Variants in PRKDC observed in about 807,000 individuals in gnomAD.
PRKDC encodes protein kinase, DNA-activated, catalytic subunit.
In PRKDC, 82 loss-of-function variants were observed where a neutral mutation model predicts 486.9. The ratio of observed to expected loss-of-function variants is 0.17; its 90% CI spans 0.14 to 0.20. The LOEUF is 0.20. Ranked by LOEUF, PRKDC falls within the 10% of genes least tolerant of loss-of-function variation. The pLI, the probability that PRKDC is intolerant of heterozygous loss-of-function variation, is 1.00. For missense variants in PRKDC, 4,504 were observed against 5,038.2 expected, an observed-to-expected ratio of 0.89 and a Z score of 3.21; for synonymous variants, 1,895 against 1,837.0, an observed-to-expected ratio of 1.03 and a Z score of -0.81.
rs1262406508 is a variant in PRKDC, at chr8:47,859,745, T to A, written c.6073A>T (p.Met2025Leu). Residue 2025 changes from methionine (M) to leucine (L), a missense_variant, in exon 46 of 86, where the codon ATG becomes TTG. By Grantham distance (15) the Met-to-Leu change is conservative. Transcript: ENST00000314191. ...ANGDSDGPSYMSSLSYLADST... is the reference protein window; with the variant it reads ...ANGDSDGPSYLSSLSYLADST... ...TCTGCCAAATATGACAGGGAAGACA[T>A]ATAGGAAGGACCATCTGAAATATAA... 1.2e-6 allele frequency: 2 copies of A among 1,611,752 alleles called. No individual in the cohort carries two copies. The highest frequency in any genetic ancestry group is 1.7e-6 in the Non-Finnish European group (2 of 1,178,012).
chr8:47,908,046 G>A (rs2089823771), intron 25 of PRKDC, among the ~76,000 whole-genome samples: 1 of 152,208 alleles, frequency 6.6e-6, no homozygotes, highest in African/African-American at 2.4e-5. Flanking sequence ...TGAGCACACT[G>A]TTTAAGCAGC....
intron 25 of PRKDC, among the ~76,000 whole-genome samples, chr8:47,911,304 G>A (rs1427033680): frequency 6.6e-6 from 1 of 152,234 alleles, no homozygotes; most frequent in Non-Finnish European, 1.5e-5. Context: ...CTCCCATGCT[G>A]GGTGGAAGCA....
In PRKDC at chr8:47,823,871, T is replaced by C; in HGVS notation, c.8909A>G (p.Lys2970Arg). Residue 2970 changes from lysine (K) to arginine (R), a missense_variant, in exon 64 of 86, where the codon AAG (lysine) becomes AGG (arginine). By Grantham distance (26) the Lys-to-Arg change is conservative. Around this residue, in one of 6 missense-constraint regions of PRKDC, gnomAD observed 1,592 missense variants for 1,724.6 expected, o/e 0.92. Transcript: ENST00000314191. Reference sequence around the variant, plus strand: ...GATCAATTTTACCTCATCATACTGCTTAGCAGCTTCAGAATAATCACTTCT... The same window carrying C: ...GATCAATTTTACCTCATCATACTGCCTAGCAGCTTCAGAATAATCACTTCT... ...EARSDYSEAAKQYDEALNKQD... is the reference protein window; with the variant it reads ...EARSDYSEAARQYDEALNKQD... 6.2e-7 allele frequency: 1 copy of C among 1,613,826 alleles called. No homozygotes were observed. Among genetic ancestry groups the C allele is most frequent in the Non-Finnish European group, 8.5e-7 (1 of 1,179,824 alleles).
At chr8:47,953,990 T>C in intron 5 of PRKDC, 71 bp from the exon 6 acceptor site, 3 of 802,040 alleles carry the variant, frequency 3.7e-6, no homozygotes, top group Non-Finnish European at 5.7e-6. Flanking sequence ...CCAAAATGTA[T>C]GAAGAAAATA....
intron 36 of PRKDC, among the ~76,000 whole-genome samples, chr8:47,883,456 A>T (rs1484441436): frequency 6.6e-6 from 1 of 152,062 alleles, no homozygotes; most frequent in African/African-American, 2.4e-5. Context: ...TGGAAACTCA[A>T]AGCCTTTGCT....
rs2088508881 is a variant in PRKDC at position 47,855,277 on chromosome 8, C to G, written c.6706G>C (p.Glu2236Gln). Residue 2236 changes from glutamate to glutamine, a missense_variant, in exon 50 of 86, where the codon GAA becomes CAA. Glu to Gln is a conservative substitution (Grantham distance 29). Transcript: ENST00000314191. ...CACTCGACAAGGGTCTTTATAATTTCAAGGTTGTGTCTAAACACAGCTCTT... is the reference window on the plus strand; with the variant it reads ...CACTCGACAAGGGTCTTTATAATTTGAAGGTTGTGTCTAAACACAGCTCTT... Reference protein sequence around the residue: ...PKRAVFRHNLEIIKTLVECWK... With the variant: ...PKRAVFRHNLQIIKTLVECWK... 4 of 1,603,894 alleles carry G rather than the reference C, an allele frequency of 2.5e-6. No individual in the cohort carries two copies. Among genetic ancestry groups the G allele is most frequent in the Non-Finnish European group, 3.4e-6 (4 of 1,174,582 alleles).
chr8:47,930,920 A>G, intron 16 of PRKDC, 133 bp from the exon 17 acceptor site: 1 of 808,546 alleles, frequency 1.2e-6, no homozygotes, highest in Non-Finnish European at 1.9e-6. Flanking sequence ...AAAGACCAAG[A>G]TGGGTGCTCA....
In PRKDC at chr8:47,836,930, T is replaced by C. The variant is rs572761598; in HGVS notation, c.7761+282A>G. On this transcript the variant is annotated intron_variant, in intron 57 of 85. Transcript: ENST00000314191. ...GCAACCTGCCCATCATCCCACTGTT[T>C]AGGCTGCTGCGAGACAGGACAAGCT... Among the ~76,000 whole-genome samples, 248 of 152,306 alleles carry C rather than the reference T, an allele frequency of 1.6e-3. 2 individuals are homozygous for C. The highest frequency in any genetic ancestry group is 1.3e-3 in the Non-Finnish European group (89 of 68,022).
intron 24 of PRKDC, among the ~76,000 whole-genome samples, chr8:47,913,394 G>A (rs1342709524): frequency 6.6e-6 from 1 of 152,002 alleles, no homozygotes; most frequent in Admixed American, 6.6e-5. Flanking sequence ...TTAACGTTTT[G>A]AAAGGCAATT....
At chr8:47,809,557 G>A (rs2087286581) in intron 68 of PRKDC, among the ~76,000 whole-genome samples, 1 of 152,124 alleles carries the variant, frequency 6.6e-6, no homozygotes, top group Admixed American at 6.5e-5. Flanking sequence ...GTTGACAAGG[G>A]AGTCCCAGAC....
rs1259169321 is a variant in PRKDC at position 47,811,854 on chromosome 8, G to T, written c.9558-4528C>A. On this transcript the variant is annotated intron_variant, in intron 68 of 85. Transcript: ENST00000314191. ...TAGCTGGGCGTGGTGGCACATGCCTGTAAACCCGGCTACTCGGGAGGCTGA... is the reference window on the plus strand; with the variant it reads ...TAGCTGGGCGTGGTGGCACATGCCTTTAAACCCGGCTACTCGGGAGGCTGA... Among the ~76,000 whole-genome samples the T allele has an allele frequency of 2.7e-4, 41 of 152,138 alleles. 1 individual carries two copies. The highest frequency in any genetic ancestry group is 2.7e-3 in the Admixed American group (41 of 15,274).
In PRKDC at chr8:47,831,821, C is replaced by T. The variant is rs138760849; in HGVS notation, c.8258G>A (p.Arg2753Gln). The change falls in exon 60 of 86, where the codon CGA becomes CAA. Residue 2753 changes from arginine (R) to glutamine (Q), a missense_variant. This residue lies in a region of PRKDC where 1,592 missense variants were observed against 1,724.6 expected (regional missense o/e 0.92). Coordinates refer to ENST00000314191, the MANE Select transcript of PRKDC (RefSeq NM_006904.7). ...TCTTGACAAGATACAAACCTTCTCT[C>T]GTTTTTGCTCAGCAACGCCTTTTCT... The part of the protein sequence containing the change: ...YARKGVAEQK[R>Q]EKEIKSELKM... 7.9e-5 allele frequency: 127 copies of T among 1,613,806 alleles called. No individual in the cohort carries two copies. The East Asian group carries it at 2.5e-3, about 32-fold the overall frequency.
intron 50 of PRKDC, 147 bp downstream of exon 50, chr8:47,855,075 C>G: frequency 1.1e-6 from 1 of 894,402 alleles, no homozygotes; most frequent in Non-Finnish European, 1.6e-6. Flanking sequence ...GTGCCACACT[C>G]TGGAGGCTGT....
At position 47,799,344 on chromosome 8, in the gene PRKDC, G is replaced by A; in HGVS notation, c.10163C>T (p.Ala3388Val). 2 of 1,609,200 alleles carry A rather than the reference G, an allele frequency of 1.2e-6. No individual in the cohort carries two copies. Among genetic ancestry groups the A allele is most frequent in the African/African-American group, 1.3e-5 (1 of 74,938 alleles). ...GGCCTCCTCCTCAGCCGCCTGCACA[G>A]CCTCAGAGAGGTGCTGGAATGCTCT... ...YQRAFQHLSE[A>V]VQAAEEEAQP... The change falls in exon 72 of 86, where the codon GCT becomes GTT. Residue 3388 changes from alanine to valine, a missense_variant. Physicochemically the swap from Ala to Val is moderately conservative, Grantham distance 64. Around this residue, in one of 6 missense-constraint regions of PRKDC, gnomAD observed 706 missense variants for 945.0 expected, o/e 0.75. Transcript: ENST00000314191.
At chr8:47,875,534 C>T (rs1456331421) in intron 40 of PRKDC, among the ~76,000 whole-genome samples, 2 of 152,094 alleles carry the variant, frequency 1.3e-5, no homozygotes. Context: ...TTCCTATTTT[C>T]AAACACAGGA....
intron 25 of PRKDC, among the ~76,000 whole-genome samples, chr8:47,909,125 AAC>A (rs1326421829): frequency 6.6e-6 from 1 of 152,120 alleles, no homozygotes; most frequent in East Asian, 1.9e-4. Context: ...CTTCAGCCAT[AAC>A]ACTCTTAGGA....
In PRKDC at chr8:47,782,858, C is replaced by T; in HGVS notation, c.11176-260G>A. On this transcript the variant is annotated intron_variant, in intron 78 of 85. Transcript: ENST00000314191. This position sits in a 1 kb window ranked among gnomAD's most constrained non-coding sequence, Gnocchi z 4.9. Reference sequence around the variant, plus strand: ...TTAGCAAGCAGCAACAGCCAACATGCAAACTTTCTACAGTAGTAAGCTAAT... The same window carrying T: ...TTAGCAAGCAGCAACAGCCAACATGTAAACTTTCTACAGTAGTAAGCTAAT... 1.8e-6 allele frequency: 1 copy of T among 542,040 alleles called. No individual in the cohort carries two copies. 33.6% of individuals were successfully genotyped at this position (542,040 alleles called of 1,614,324 possible). A position where few individuals can be genotyped will look rare whatever the true frequency, so the allele number is the denominator to read the frequency against.
At chr8:47,891,505 G>C (rs1170020272) in intron 31 of PRKDC, among the ~76,000 whole-genome samples, 2 of 152,130 alleles carry the variant, frequency 1.3e-5, no homozygotes, top group East Asian at 3.9e-4. Context: ...CGGATCACGA[G>C]GTCAGGAGAT....
intron 11 of PRKDC, among the ~76,000 whole-genome samples, chr8:47,937,976 A>G (rs1437463849): frequency 6.6e-6 from 1 of 152,204 alleles, no homozygotes; most frequent in East Asian, 1.9e-4. Flanking sequence ...TTTGCTGGGC[A>G]TGGTGGCTCA....
Sources: allele counts gnomAD v4.1 joint callset (sites outside exome capture counted in the v4.1 genomes callset), GRCh38; gene constraint gnomAD v4.1.1; regional missense constraint gnomAD v4.1.1; non-coding constraint Gnocchi (gnomAD v3.1); transcripts MANE v1.5; gene names NCBI Gene and HGNC (gene_info 2026-07-23, HGNC 2026-07-21).